Variants in CDH13 observed in about 807,000 individuals in gnomAD.
The protein encoded by CDH13 is cadherin 13, also known as cadherin-13.
A neutral mutation model predicts 63.8 loss-of-function variants in CDH13; 24 were observed. The ratio of observed to expected loss-of-function variants is 0.38; its 90% CI spans 0.27 to 0.53. The LOEUF (loss-of-function observed/expected upper bound fraction) is 0.53, where lower values mean the gene tolerates loss of function less well. Ranked by LOEUF, CDH13 falls within the 20% of genes least tolerant of loss-of-function variation. The probability of loss-of-function intolerance (pLI) is 0.85; values close to 1 mark genes in which losing one functional copy is unlikely to be tolerated. For missense variants in CDH13, 1,049 were observed against 903.1 expected (o/e 1.16, Z -2.07); for synonymous variants, 503 against 355.3 (o/e 1.42, Z -4.67).
chr16:82,786,298 C>A (rs949085132), intron 1 of CDH13, among the ~76,000 whole-genome samples: 1 of 151,916 alleles, frequency 6.6e-6, no homozygotes, highest in Non-Finnish European at 1.5e-5. Flanking sequence ...AATCTTAAAA[C>A]CATCATAGAT....
rs1043330368 is a variant in CDH13, at chr16:83,056,479, C to A, written c.366+24261C>A. ...AAATACATAGCAAAAAAAAAAGCAACTGTTATTATGCTCAAAAATATGGAT... is the reference window on the plus strand; with the variant it reads ...AAATACATAGCAAAAAAAAAAGCAAATGTTATTATGCTCAAAAATATGGAT... On this transcript the variant is annotated intron_variant, in intron 3 of 13. Transcript: ENST00000567109. Among the ~76,000 whole-genome samples, 6 of 151,558 alleles carry A rather than the reference C, an allele frequency of 4.0e-5. No homozygotes were observed. In the South Asian group the frequency reaches 1.2e-3, roughly 32 times the overall value.
chr16:83,204,697 G>A (rs577671898), intron 4 of CDH13, among the ~76,000 whole-genome samples: 1 of 152,104 alleles, frequency 6.6e-6, no homozygotes, highest in Non-Finnish European at 1.5e-5. Context: ...GTTAGGCTTT[G>A]GTGACAAGAA....
At chr16:83,626,496 C>T (rs139834251) in intron 8 of CDH13, among the ~76,000 whole-genome samples, 146 of 152,292 alleles carry the variant, frequency 9.6e-4, no homozygotes, top group African/African-American at 3.4e-3. Flanking sequence ...ATGAGTAGGT[C>T]AGTGGACAAT....
chr16:83,486,687 C>T (rs765690148), intron 7 of CDH13, 32 bp downstream of exon 7: 10 of 1,599,836 alleles, frequency 6.3e-6, no homozygotes, highest in African/African-American at 2.7e-5. Context: ...TTCTTTTTCA[C>T]GAGAATAGAA....
intron 5 of CDH13, among the ~76,000 whole-genome samples, chr16:83,257,589 A>T (rs748801071): frequency 2.6e-5 from 4 of 152,202 alleles, no homozygotes; most frequent in Non-Finnish European, 2.9e-5. Context: ...CAGCAGCACT[A>T]ATCATTTTAT....
chr16:82,975,260 G>T (rs1295443672), intron 2 of CDH13, among the ~76,000 whole-genome samples: 1 of 152,188 alleles, frequency 6.6e-6, no homozygotes, highest in African/African-American at 2.4e-5. Context: ...CAGAGATAAG[G>T]CTCCCAAGGG....
intron 2 of CDH13, among the ~76,000 whole-genome samples, chr16:83,031,447 G>A (rs1348841594): frequency 6.7e-6 from 1 of 149,246 alleles, no homozygotes; most frequent in Non-Finnish European, 1.5e-5. Flanking sequence ...ACATGTATAT[G>A]CATACACGTA....
At chr16:83,388,673 A>C (rs1003746276) in intron 6 of CDH13, among the ~76,000 whole-genome samples, 11 of 152,168 alleles carry the variant, frequency 7.2e-5, no homozygotes, top group African/African-American at 2.4e-4. Context: ...CCCCATCCAG[A>C]TTGTCTCCAT....
intron 3 of CDH13, among the ~76,000 whole-genome samples, chr16:83,052,239 T>G (rs556724615): frequency 1.3e-5 from 2 of 152,318 alleles, no homozygotes; most frequent in East Asian, 3.9e-4. Flanking sequence ...TATTTTCTGT[T>G]ATAAAACTTC....
intron 5 of CDH13, among the ~76,000 whole-genome samples, chr16:83,251,002 G>T (rs1388983335): frequency 8.2e-6 from 1 of 121,410 alleles, no homozygotes; most frequent in Non-Finnish European, 1.8e-5. Flanking sequence ...TTCGGTAAAG[G>T]TTTTTCTCCT....
chr16:83,177,576 A>C (rs1044599384), intron 4 of CDH13, among the ~76,000 whole-genome samples: 5 of 152,218 alleles, frequency 3.3e-5, no homozygotes, highest in Admixed American at 6.5e-5. Context: ...TAAGAAGAGC[A>C]CTTAATATTA....
intron 6 of CDH13, among the ~76,000 whole-genome samples, chr16:83,436,339 C>G (rs1367836085): frequency 6.6e-6 from 1 of 152,008 alleles, no homozygotes; most frequent in Non-Finnish European, 1.5e-5. Flanking sequence ...AAGGAGTTGT[C>G]TTTTTTAAAA....
chr16:83,066,927 G>A (rs926148354), intron 3 of CDH13, among the ~76,000 whole-genome samples: 2 of 152,082 alleles, frequency 1.3e-5, no homozygotes, highest in African/African-American at 4.8e-5. Flanking sequence ...TTTACCAAGG[G>A]GTTCAGACTG....
chr16:83,052,517 C>T (rs546827971), intron 3 of CDH13, among the ~76,000 whole-genome samples: 6 of 152,140 alleles, frequency 3.9e-5, no homozygotes, highest in African/African-American at 7.2e-5. Flanking sequence ...TGGTGGCTCA[C>T]GCCTGTAATC....
chr16:83,197,125 G>C (rs2038899674), intron 4 of CDH13, among the ~76,000 whole-genome samples: 1 of 152,054 alleles, frequency 6.6e-6, no homozygotes, highest in African/African-American at 2.4e-5. Flanking sequence ...ATGAATTATT[G>C]ATACACAGCA....
chr16:82,914,118 A>G (rs2041915504), intron 2 of CDH13, among the ~76,000 whole-genome samples: 1 of 152,048 alleles, frequency 6.6e-6, no homozygotes, highest in South Asian at 2.1e-4. Flanking sequence ...TCTAGCCATT[A>G]TCTCCTTTCT....
At chr16:83,453,553 C>A (rs1448635007) in intron 6 of CDH13, among the ~76,000 whole-genome samples, 2 of 152,186 alleles carry the variant, frequency 1.3e-5, no homozygotes, top group East Asian at 1.9e-4. Context: ...ATAATTATCA[C>A]AATGTTGATG....
chr16:83,311,070 T>G (rs1360773248), intron 5 of CDH13, among the ~76,000 whole-genome samples: 2 of 152,228 alleles, frequency 1.3e-5, no homozygotes, highest in African/African-American at 4.8e-5. Context: ...ATATGGAGTT[T>G]TACTGCTCTC....
chr16:83,509,413 C>T (rs1482015223), intron 7 of CDH13, among the ~76,000 whole-genome samples: 4 of 152,174 alleles, frequency 2.6e-5, no homozygotes, highest in Admixed American at 6.5e-5. Context: ...GCTTTGTGGG[C>T]CATATGGTGG....
Sources: gnomAD v4.1 joint callset for allele counts (sites outside exome capture counted in the v4.1 genomes callset) on GRCh38, gnomAD v4.1.1 for gene constraint, MANE v1.5 for transcripts, NCBI Gene and HGNC (gene_info 2026-07-23, HGNC 2026-07-21) for gene names.